The following RARB variants were observed in gnomAD, a reference collection of about 807,000 sequenced individuals.
RARB encodes the protein HBV-activated protein.
RARB carries 17 observed loss-of-function variants against 51.9 expected under a neutral mutation model. The observed-to-expected ratio is 0.33, with a 90% CI of 0.22 to 0.49. RARB has a LOEUF of 0.49. Ranked by LOEUF, RARB falls within the 20% of genes least tolerant of loss-of-function variation. RARB has a pLI of 0.99. For synonymous variants in RARB, 215 were observed against 195.4 expected (o/e 1.10, Z -0.84); for missense variants, 369 against 550.8 (o/e 0.67, Z 3.30).
chr3:24,892,687 T>A (rs1703408692), intron 2 of RARB, among the ~76,000 whole-genome samples: 1 of 152,202 alleles, frequency 6.6e-6, no homozygotes, highest in African/African-American at 2.4e-5. Flanking sequence ...CCTAAAAGTA[T>A]TTTAACTGAG....
intron 2 of RARB, among the ~76,000 whole-genome samples, chr3:24,897,018 A>G (rs1413594097): frequency 2.0e-5 from 3 of 152,230 alleles, no homozygotes; most frequent in Non-Finnish European, 4.4e-5. Flanking sequence ...TAGCTCATGG[A>G]AAACGACTGG....
At chr3:25,407,334 T>A (rs1575378532) in intron 5 of RARB, among the ~76,000 whole-genome samples, 2 of 152,324 alleles carry the variant, frequency 1.3e-5, no homozygotes, top group East Asian at 1.9e-4. Flanking sequence ...CATTATGCAC[T>A]GGGATTTGGG....
At chr3:25,554,032 T>C (rs1022184595) in intron 3 of RARB, among the ~76,000 whole-genome samples, 1 of 151,774 alleles carries the variant, frequency 6.6e-6, no homozygotes, top group Non-Finnish European at 1.5e-5. Context: ...CAGGGTGTAA[T>C]GTCATGTTAA....
chr3:25,409,355 G>A (rs543831248), intron 5 of RARB, among the ~76,000 whole-genome samples: 4 of 151,982 alleles, frequency 2.6e-5, no homozygotes, highest in South Asian at 4.2e-4. Flanking sequence ...TCATCAGCTC[G>A]CACACCATAT....
intron 2 of RARB, among the ~76,000 whole-genome samples, chr3:24,964,888 T>C (rs1221342334): frequency 6.6e-6 from 1 of 152,278 alleles, no homozygotes. Flanking sequence ...GGGAAAGATA[T>C]TTGTGACAGG....
intron 5 of RARB, among the ~76,000 whole-genome samples, chr3:25,339,068 A>G (rs964322677): frequency 3.3e-5 from 5 of 152,196 alleles, no homozygotes; most frequent in African/African-American, 1.2e-4. Context: ...TTACTTCATA[A>G]TAAATTCAAG....
intron 3 of RARB, among the ~76,000 whole-genome samples, chr3:25,093,718 G>A: frequency 6.6e-6 from 1 of 151,454 alleles, no homozygotes; most frequent in East Asian, 1.9e-4. Context: ...TTTTTTGCAT[G>A]TCTCATGATG....
At chr3:25,366,870 T>C (rs530159505) in intron 5 of RARB, among the ~76,000 whole-genome samples, 1 of 152,292 alleles carries the variant, frequency 6.6e-6, no homozygotes, top group East Asian at 1.9e-4. Flanking sequence ...GGTAAAGAGA[T>C]TACTTGCAGA....
At chr3:24,900,714 T>C (rs909315411) in intron 2 of RARB, among the ~76,000 whole-genome samples, 1 of 152,168 alleles carries the variant, frequency 6.6e-6, no homozygotes, top group Non-Finnish European at 1.5e-5. Context: ...CTGATGTAAA[T>C]GCATTTAGGC....
chr3:25,123,536 CCT>C (rs1559474651), intron 3 of RARB, among the ~76,000 whole-genome samples: 1 of 152,158 alleles, frequency 6.6e-6, no homozygotes, highest in Admixed American at 6.5e-5. Context: ...GAAATATTCC[CCT>C]GTGGGAGAAA....
intron 3 of RARB, among the ~76,000 whole-genome samples, chr3:25,547,065 C>T (rs1208930906): frequency 1.3e-5 from 2 of 152,164 alleles, no homozygotes; most frequent in East Asian, 3.9e-4. Context: ...TACCTGGTAA[C>T]AGCAGAGTTG....
In RARB at chr3:25,020,745, A is replaced by G. The variant is rs184416681; in HGVS notation, c.-379-39380A>G. On this transcript the variant is annotated intron_variant, in intron 2 of 11. Transcript: ENST00000383772. ...TAAACACCTATAGAATGAATAAACA[A>G]GTCACATATCCTGATATTTTGGAAA... 8.5e-5 allele frequency among the ~76,000 whole-genome samples: 13 copies of G among 152,324 alleles called. No homozygotes were observed. In the East Asian group the frequency reaches 2.5e-3, roughly 29 times the overall value.
chr3:25,218,111 A>G (rs1701873268), intron 5 of RARB, among the ~76,000 whole-genome samples: 1 of 152,082 alleles, frequency 6.6e-6, no homozygotes, highest in Non-Finnish European at 1.5e-5. Flanking sequence ...TAAGCCTTTT[A>G]TTATAATACA....
intron 2 of RARB, among the ~76,000 whole-genome samples, chr3:24,958,878 T>G (rs1221564963): frequency 6.6e-6 from 1 of 152,198 alleles, no homozygotes; most frequent in Non-Finnish European, 1.5e-5. Flanking sequence ...TTTCCCTGAC[T>G]CCTTCATGGG....
chr3:25,132,887 A>G (rs182304816), intron 4 of RARB, among the ~76,000 whole-genome samples: 189 of 151,628 alleles, frequency 1.2e-3, no homozygotes, highest in Non-Finnish European at 1.6e-3. Context: ...ATTTTTAAAA[A>G]TAAAATTAAA....
chr3:25,115,582 TTTC>T (rs1235456608), intron 3 of RARB, among the ~76,000 whole-genome samples: 3 of 151,870 alleles, frequency 2.0e-5, no homozygotes, highest in Non-Finnish European at 2.9e-5. Flanking sequence ...TCTCCTTTCC[TTTC>T]TTTTCTTTTT....
chr3:25,251,282 T>C (rs1235954199), intron 5 of RARB, among the ~76,000 whole-genome samples: 1 of 152,118 alleles, frequency 6.6e-6, no homozygotes, highest in Non-Finnish European at 1.5e-5. Context: ...AGATGGGCAT[T>C]TGGATTGTTT....
intron 4 of RARB, among the ~76,000 whole-genome samples, chr3:25,146,503 G>GTTTTT (rs1364462708): frequency 0.012 from 857 of 73,410 alleles, 19 homozygotes; most frequent in African/African-American, 0.013. Context: ...TTTTTTGTTT[G>GTTTTT]TTTGTTTGTT....
chr3:25,470,599 A>G (rs1313792200), intron 2 of RARB, among the ~76,000 whole-genome samples: 1 of 152,192 alleles, frequency 6.6e-6, no homozygotes, highest in Admixed American at 6.5e-5. Context: ...ATAGAGTTAC[A>G]TGGAAAAATG....
Sources: allele counts gnomAD v4.1 joint callset (sites outside exome capture counted in the v4.1 genomes callset), GRCh38; gene constraint gnomAD v4.1.1; transcripts MANE v1.5; gene names NCBI Gene and HGNC (gene_info 2026-07-23, HGNC 2026-07-21).